LRP1: variants seen among roughly 807,000 people sequenced by gnomAD.
LRP1 encodes prolow-density lipoprotein receptor-related protein 1.
Under a neutral mutation model 541.5 loss-of-function variants are expected in LRP1, and 51 were observed. The ratio of observed to expected loss-of-function variants is 0.09; its 90% CI spans 0.08 to 0.12. LRP1 has a LOEUF of 0.12. Ranked by LOEUF, LRP1 falls within the 10% of genes least tolerant of loss-of-function variation. LRP1 has a pLI of 1.00. For missense variants in LRP1, 3,878 were observed against 6,376.2 expected, an observed-to-expected ratio of 0.61 and a Z score of 13.34; for synonymous variants, 2,219 against 2,470.8, an observed-to-expected ratio of 0.90 and a Z score of 3.02.
Position 57,158,464 on chromosome 12 carries a change from G to C in LRP1, c.1624G>C (p.Asp542His). 6.2e-7 allele frequency: 1 copy of C among 1,614,180 alleles called. No homozygotes were observed. The highest frequency in any genetic ancestry group is 8.5e-7 in the Non-Finnish European group (1 of 1,180,002). Reference sequence around the variant, plus strand: ...CCGGCCAGGCATCATCCGGGGCATGGATATGGGGGCCAAGGTCCCGGATGA... The same window carrying C: ...CCGGCCAGGCATCATCCGGGGCATGCATATGGGGGCCAAGGTCCCGGATGA... Reference protein sequence around the residue: ...KGRPGIIRGMDMGAKVPDEHM... With the variant: ...KGRPGIIRGMHMGAKVPDEHM... Residue 542 changes from aspartate to histidine, a missense_variant, in exon 11 of 89, where the codon GAT becomes CAT. Physicochemically the swap from Asp to His is moderately conservative, Grantham distance 81. Coordinates refer to ENST00000243077, the MANE Select transcript of LRP1 (RefSeq NM_002332.3). The surrounding 1 kb of genome is among the most constrained non-coding windows in gnomAD (Gnocchi z 5.3).
chr12:57,187,567 G>A, intron 42 of LRP1, 111 bp downstream of exon 42: 1 of 1,059,096 alleles, frequency 9.4e-7, no homozygotes, highest in African/African-American at 1.9e-5. Context: ...CCTCACTTGA[G>A]CTCCACCCTT....
rs146670367 is a variant in LRP1 at position 57,195,334 on chromosome 12, G to C, written c.8372G>C (p.Arg2791Pro). Residue 2791 changes from arginine (R) to proline (P), a missense_variant, in exon 52 of 89, where the codon CGC becomes CCC. By Grantham distance (103) the Arg-to-Pro change is moderately radical. Coordinates refer to ENST00000243077, the MANE Select transcript of LRP1 (RefSeq NM_002332.3). The stretch of plus-strand genomic sequence containing the variant: ...GGCACCCACGTGTGCGTCCCCGAGC[G>C]CTGGCTCTGTGACGGTGACAAAGAC... ...CPGTHVCVPERWLCDGDKDCA... is the reference protein window; with the variant it reads ...CPGTHVCVPEPWLCDGDKDCA... 1.1e-5 allele frequency: 17 copies of C among 1,612,722 alleles called. No homozygotes were observed. The highest frequency in any genetic ancestry group is 1.4e-5 in the Non-Finnish European group (16 of 1,180,020).
chr12:57,211,483 G>T lies in LRP1; in HGVS notation c.13092-4G>T. On this transcript the variant is annotated splice_region_variant and splice_polypyrimidine_tract_variant and intron_variant, in intron 84 of 88. Coordinates refer to ENST00000243077, the MANE Select transcript of LRP1 (RefSeq NM_002332.3). The surrounding 1 kb of genome is among the most constrained non-coding windows in gnomAD (Gnocchi z 4.3). ...CAGCCCCAGCCTCTGATTCCTTCCT[G>T]CAGCTGCACGGATGGCCGGGTGGCC... 1 of 1,613,584 alleles carries T rather than the reference G, an allele frequency of 6.2e-7. No individual in the cohort carries two copies. Among genetic ancestry groups the T allele is most frequent in the Middle Eastern group, 1.6e-4 (1 of 6,062 alleles).
At position 57,213,175 on chromosome 12, in the gene LRP1, T is replaced by G. The variant is rs1353953047; in HGVS notation, c.*620T>G. ...GGTTCCCAGGGCTGGAGACTTCCTCTGGTAAACATTCCTCCAGCCTCCCCT... is the reference window on the plus strand; with the variant it reads ...GGTTCCCAGGGCTGGAGACTTCCTCGGGTAAACATTCCTCCAGCCTCCCCT... On this transcript the variant is annotated 3_prime_UTR_variant, in exon 89 of 89. Transcript: ENST00000243077. The G allele has an allele frequency of 1.3e-5, 2 of 151,324 alleles. No homozygotes were observed. The highest frequency in any genetic ancestry group is 2.9e-5 in the Non-Finnish European group (2 of 67,834). The allele number at this position is 151,324 out of a possible 1,614,324, so 9.4% of individuals were successfully genotyped here. A position where few individuals can be genotyped will look rare whatever the true frequency, so the allele number is the denominator to read the frequency against.
rs2036223772 is a variant in LRP1, at chr12:57,184,252, A to G, written c.6059+38A>G. 1 of 1,613,672 alleles carries G rather than the reference A, an allele frequency of 6.2e-7. No individual in the cohort carries two copies. The highest frequency in any genetic ancestry group is 8.5e-7 in the Non-Finnish European group (1 of 1,179,644). Reference sequence around the variant, plus strand: ...AAAGACTGGCCTTGTCATTCTGCCCATGGCCCATGCTGATGAGGCCCTGTC... The same window carrying G: ...AAAGACTGGCCTTGTCATTCTGCCCGTGGCCCATGCTGATGAGGCCCTGTC... On this transcript the variant is annotated intron_variant, in intron 37 of 88. Transcript: ENST00000243077. This position sits in a 1 kb window ranked among gnomAD's most constrained non-coding sequence, Gnocchi z 7.8.
chr12:57,159,055 A>T (rs564249338), intron 11 of LRP1, among the ~76,000 whole-genome samples: 1 of 152,300 alleles, frequency 6.6e-6, no homozygotes, highest in Non-Finnish European at 1.5e-5. Context: ...CTGCATGCTA[A>T]TGTGTCCTGA....
chr12:57,166,256 G>A, intron 17 of LRP1, 47 bp downstream of exon 17: 5 of 1,550,968 alleles, frequency 3.2e-6, no homozygotes, highest in Non-Finnish European at 4.4e-6. Flanking sequence ...CAGTCAAGGA[G>A]GCAGGGGAGA....
At chr12:57,144,632 C>T (rs2035361662) in intron 4 of LRP1, 1 of 283,684 alleles carries the variant, frequency 3.5e-6, no homozygotes, top group East Asian at 7.3e-5. Flanking sequence ...ATTATAGTAA[C>T]TATATTTCAT....
At chr12:57,209,230 G>A in intron 79 of LRP1, 31 bp downstream of exon 79, 1 of 1,564,752 alleles carries the variant, frequency 6.4e-7, no homozygotes, top group African/African-American at 1.4e-5. Context: ...GCAGTCCCCA[G>A]CCCTGTCCCC....
chr12:57,177,603 CTG>C lies in LRP1; in HGVS notation c.4361+15_4361+16del. The C allele has an allele frequency of 6.2e-7, 1 of 1,613,270 alleles. No homozygotes were observed. The highest frequency in any genetic ancestry group is 8.5e-7 in the Non-Finnish European group (1 of 1,179,736). On this transcript the variant is annotated intron_variant, in intron 26 of 88. Coordinates refer to ENST00000243077, the MANE Select transcript of LRP1 (RefSeq NM_002332.3). The surrounding 1 kb of genome is among the most constrained non-coding windows in gnomAD (Gnocchi z 6.8). ...TGGATTGACGCCAGGTCAGCACCCTCTGTGCCCTGAGAAGGCCCAAGTCTGTG... is the reference window on the plus strand; with the variant it reads ...TGGATTGACGCCAGGTCAGCACCCTCTGCCCTGAGAAGGCCCAAGTCTGTG...
chr12:57,181,368 C>T lies in LRP1; in HGVS notation c.5662+77C>T. The T allele has an allele frequency of 2.0e-6, 3 of 1,507,056 alleles. No homozygotes were observed. In the South Asian group the frequency reaches 3.8e-5, roughly 19 times the overall value. 93.4% of individuals were successfully genotyped at this position (1,507,056 alleles called of 1,614,324 possible). A position where few individuals can be genotyped will look rare whatever the true frequency, so the allele number is the denominator to read the frequency against. On this transcript the variant is annotated intron_variant, in intron 34 of 88. Coordinates refer to ENST00000243077, the MANE Select transcript of LRP1 (RefSeq NM_002332.3). The stretch of plus-strand genomic sequence containing the variant: ...CCTCCTACCCTACAGCCCCACCTTC[C>T]TCTTCTTACCTTGGGGACAAGACTA...
In LRP1 at chr12:57,204,357, G is replaced by T; in HGVS notation, c.10952-53G>T. On this transcript the variant is annotated intron_variant, in intron 70 of 88. Transcript: ENST00000243077. The surrounding 1 kb of genome is among the most constrained non-coding windows in gnomAD (Gnocchi z 5.3). ...CTGGAACCCCCACCTGTGGAGACAG[G>T]GGTCTGGGTGGGCTCATGGCTCATT... The T allele has an allele frequency of 6.8e-7, 1 of 1,471,936 alleles. No homozygotes were observed. Among genetic ancestry groups the T allele is most frequent in the East Asian group, 2.4e-5 (1 of 42,376 alleles). The allele number at this position is 1,471,936 out of a possible 1,614,324, so 91.2% of individuals were successfully genotyped here.
rs1219313696 is a variant in LRP1 at position 57,167,046 on chromosome 12, G to A, written c.2914G>A (p.Ala972Thr). 1 of 1,612,428 alleles carries A rather than the reference G, an allele frequency of 6.2e-7. No homozygotes were observed. Among genetic ancestry groups the A allele is most frequent in the African/African-American group, 1.3e-5 (1 of 74,984 alleles). ...GDRSDESASC[A>T]YPTCFPLTQF... Reference sequence around the variant, plus strand: ...CCGCTCTGATGAGTCTGCTTCGTGTGGTAAGAGGGATGGGCAGAGGGAGTC... The same window carrying A: ...CCGCTCTGATGAGTCTGCTTCGTGTAGTAAGAGGGATGGGCAGAGGGAGTC... Residue 972 changes from alanine (A) to threonine (T), a missense_variant and splice_region_variant, in exon 18 of 89, where the codon GCC (alanine) becomes ACC (threonine). By Grantham distance (58) the Ala-to-Thr change is moderately conservative. Around this residue, in one of 13 missense-constraint regions of LRP1, gnomAD observed 320 missense variants for 547.9 expected, o/e 0.58. Transcript: ENST00000243077.
chr12:57,195,792 G>A lies in LRP1; in HGVS notation c.8560+12G>A. 4 of 1,614,134 alleles carry A rather than the reference G, an allele frequency of 2.5e-6. No individual in the cohort carries two copies. Among genetic ancestry groups the A allele is most frequent in the Non-Finnish European group, 3.4e-6 (4 of 1,180,020 alleles). Reference sequence around the variant, plus strand: ...GTCCCCCGAGTGTGGTGAGCCTTCGGCGGTGGTGGGAGGAGGCCCTGCCCT... The same window carrying A: ...GTCCCCCGAGTGTGGTGAGCCTTCGACGGTGGTGGGAGGAGGCCCTGCCCT... On this transcript the variant is annotated intron_variant, in intron 53 of 88. Transcript: ENST00000243077.
chr12:57,174,030 C>G (rs1459049721), intron 22 of LRP1, 50 bp downstream of exon 22: 1 of 1,577,404 alleles, frequency 6.3e-7, no homozygotes, highest in Non-Finnish European at 8.6e-7. Context: ...GGGTAGGAGT[C>G]TGGGCCAAGG....
In LRP1 at chr12:57,193,304, A is replaced by G; in HGVS notation, c.7684A>G (p.Asn2562Asp). Residue 2562 changes from asparagine to aspartate, a missense_variant and splice_region_variant, in exon 46 of 89, where the codon AAC becomes GAC. This residue lies in a region of LRP1 where 1,100 missense variants were observed against 1,827.4 expected (regional missense o/e 0.60). Transcript: ENST00000243077. ...DKSDEKPSYC[N>D]SRRCKKTFRQ... ...GTCCGATGAGAAGCCATCCTACTGC[A>G]GTAAGGAGCCCCCTGCAGCCCCTGC... is the stretch of plus-strand genomic sequence containing the variant. The G allele has an allele frequency of 1.9e-6, 3 of 1,611,088 alleles. No homozygotes were observed. The highest frequency in any genetic ancestry group is 2.5e-6 in the Non-Finnish European group (3 of 1,179,978).
intron 22 of LRP1, among the ~76,000 whole-genome samples, chr12:57,175,012 T>C (rs995108550): frequency 1.3e-5 from 2 of 151,896 alleles, no homozygotes; most frequent in Non-Finnish European, 2.9e-5. Flanking sequence ...GTTTCCAGGG[T>C]GTGCCAGAGG....
At chr12:57,198,047 C>T (rs2036573605) in intron 58 of LRP1, 109 bp from the exon 59 acceptor site, 4 of 901,538 alleles carry the variant, frequency 4.4e-6, no homozygotes, top group Non-Finnish European at 6.7e-6. Context: ...CCAGAGCTGT[C>T]AGAGGGAGCT....
At chr12:57,133,455 A>G (rs1436872625) in intron 1 of LRP1, among the ~76,000 whole-genome samples, 3 of 152,098 alleles carry the variant, frequency 2.0e-5, no homozygotes, top group South Asian at 2.1e-4. Flanking sequence ...AGAGGCCCAG[A>G]CTCAGGAATG....
Sources: gnomAD v4.1 joint callset for allele counts (sites outside exome capture counted in the v4.1 genomes callset) on GRCh38, gnomAD v4.1.1 for gene constraint, gnomAD v4.1.1 regional missense constraint, Gnocchi (gnomAD v3.1) non-coding constraint, MANE v1.5 for transcripts, NCBI Gene and HGNC (gene_info 2026-07-23, HGNC 2026-07-21) for gene names.